Variants in C1S observed in about 807,000 individuals in gnomAD.
C1S encodes complement C1s, also known as complement C1s subcomponent.
C1S carries 31 observed loss-of-function variants against 54.0 expected under a neutral mutation model. The observed-to-expected ratio is 0.57, with a 90% CI of 0.43 to 0.78. The LOEUF is 0.78. Among genes scored for constraint, C1S ranks in the 30% least tolerant of loss-of-function variants. C1S has a pLI of 0.00. For missense variants in C1S, 727 were observed against 851.8 expected (o/e 0.85, Z 1.82); for synonymous variants, 292 against 303.6 (o/e 0.96, Z 0.40).
chr12:7,061,969 C>G, intron 2 of C1S, 52 bp downstream of exon 2: 1 of 1,597,876 alleles, frequency 6.3e-7, no homozygotes, highest in East Asian at 2.2e-5. Context: ...CCTTCATCTT[C>G]TCAAGAAAAG....
At chr12:7,069,260 A>G (rs1937767607) in intron 11 of C1S, among the ~76,000 whole-genome samples, 1 of 152,232 alleles carries the variant, frequency 6.6e-6, no homozygotes, top group African/African-American at 2.4e-5. Flanking sequence ...ACTTGAATTC[A>G]GTTATTAGTA....
chr12:7,069,868 C>T lies in C1S; in HGVS notation c.1284C>T (p.Pro428=). 2 of 1,614,050 alleles carry T rather than the reference C, an allele frequency of 1.2e-6. No individual in the cohort carries two copies. The highest frequency in any genetic ancestry group is 1.7e-5 in the Admixed American group (1 of 60,024). ...LPKCVPVCGV[P]REPFEEKQRI... is the part of the protein sequence containing the mutation. ...ATTCCTTCCTAGTCTGTGGAGTCCC[C>T]AGAGAACCCTTTGAAGAAAAACAGA... Residue 428 remains proline (P), a synonymous_variant, in exon 12 of 12, where the codon CCC becomes CCT. Transcript: ENST00000360817.
intron 11 of C1S, among the ~76,000 whole-genome samples, chr12:7,069,250 A>G (rs1937767088): frequency 1.3e-5 from 2 of 152,176 alleles, no homozygotes; most frequent in Non-Finnish European, 2.9e-5. Flanking sequence ...AAGCAGCTTC[A>G]CTTGAATTCA....
chr12:7,064,178 C>T, intron 4 of C1S, 89 bp from the exon 5 acceptor site: 1 of 1,424,464 alleles, frequency 7.0e-7, no homozygotes, highest in South Asian at 1.1e-5. Context: ...GCCTTTCCTA[C>T]TTTTTCTTAC....
rs1265716590 is a variant in C1S at position 7,063,031 on chromosome 12, C to T, written c.355C>T (p.Arg119Cys). 5.0e-6 allele frequency: 8 copies of T among 1,613,852 alleles called. No homozygotes were observed. The highest frequency in any genetic ancestry group is 2.2e-5 in the South Asian group (2 of 91,086). ...TAAGTCAGACTTTTCCAATGAAGAG[C>T]GTTTTACGGGGTTTGCTGCATACTA... ...IFKSDFSNEE[R>C]FTGFAAYYVA... The change falls in exon 4 of 12, where the codon CGT (arginine) becomes TGT (cysteine). Residue 119 changes from arginine to cysteine, a missense_variant. Physicochemically the swap from Arg to Cys is radical, Grantham distance 180. Coordinates refer to ENST00000360817, the MANE Select transcript of C1S (RefSeq NM_001734.5).
rs1937712056 is a variant in C1S at position 7,067,750 on chromosome 12, T to C, written c.1174T>C (p.Tyr392His). 6.2e-7 allele frequency: 1 copy of C among 1,613,918 alleles called. No homozygotes were observed. The highest frequency in any genetic ancestry group is 8.5e-7 in the Non-Finnish European group (1 of 1,179,794). Residue 392 changes from tyrosine (Y) to histidine (H), a missense_variant, in exon 10 of 12, where the codon TAC (tyrosine) becomes CAC (histidine). Tyr to His is a moderately conservative substitution (Grantham distance 83, BLOSUM62 2). Coordinates refer to ENST00000360817, the MANE Select transcript of C1S (RefSeq NM_001734.5). ...IRYTCEEPYY[Y>H]MENGGGGEYH... is the part of the protein sequence containing the mutation. ...CTACACTTGTGAGGAGCCATATTAC[T>C]ACATGGAAAATGGAGGAGGTGGTAG...
intron 1 of C1S, 109 bp from the exon 2 acceptor site, chr12:7,061,730 C>T: frequency 2.8e-6 from 2 of 706,330 alleles, no homozygotes; most frequent in Non-Finnish European, 5.2e-6. Context: ...GTGATATGGC[C>T]CTGTGTGTTA....
chr12:7,061,066 T>C (rs1555161227), intron 1 of C1S, 189 bp downstream of exon 1: 9 of 152,454 alleles, frequency 5.9e-5, no homozygotes, highest in African/African-American at 2.2e-4. Flanking sequence ...TACCTACCAC[T>C]GTTTTCAGGG....
Position 7,070,720 on chromosome 12 carries a change from T to C in C1S, c.*69T>C. On this transcript the variant is annotated 3_prime_UTR_variant, in exon 12 of 12. Transcript: ENST00000360817. This position sits in a 1 kb window ranked among gnomAD's most constrained non-coding sequence, Gnocchi z 4.9. ...CATTACCTTCTGTTCCTTATGATAT[T>C]CTCATTATTTCATCATGACTGAAAG... The C allele has an allele frequency of 8.3e-7, 1 of 1,207,598 alleles. No homozygotes were observed. The highest frequency in any genetic ancestry group is 1.2e-6 in the Non-Finnish European group (1 of 814,144). 74.8% of individuals were successfully genotyped at this position (1,207,598 alleles called of 1,614,324 possible). A position where few individuals can be genotyped will look rare whatever the true frequency, so the allele number is the denominator to read the frequency against.
Position 7,065,798 on chromosome 12 carries a change from A to T in C1S, c.718-19A>T, listed in dbSNP as rs941503076. On this transcript the variant is annotated intron_variant, in intron 6 of 11. Coordinates refer to ENST00000360817, the MANE Select transcript of C1S (RefSeq NM_001734.5). ...TCCCTTTAGTTCTTTCCCTCTTCTG[A>T]TTTCATCATTTTGTTCAGTTTGTTG... The T allele has an allele frequency of 1.2e-6, 2 of 1,611,160 alleles. No homozygotes were observed. Among genetic ancestry groups the T allele is most frequent in the Non-Finnish European group, 8.5e-7 (1 of 1,178,300 alleles).
At chr12:7,068,373 G>T (rs1591580648) in intron 10 of C1S, 83 bp from the exon 11 acceptor site, 3 of 955,766 alleles carry the variant, frequency 3.1e-6, no homozygotes, top group East Asian at 4.8e-5. Flanking sequence ...GAAGGAACGG[G>T]GCAGGGTGTT....
At chr12:7,063,518 A>G (rs782445216) in intron 4 of C1S, 1 of 350,272 alleles carries the variant, frequency 2.9e-6, no homozygotes, top group African/African-American at 2.1e-5. Context: ...AATTCTGGGT[A>G]CTTCTGTATC....
chr12:7,070,876 T>C lies in C1S; in HGVS notation c.*225T>C. The C allele has an allele frequency of 1.7e-6, 1 of 574,858 alleles. No individual in the cohort carries two copies. The highest frequency in any genetic ancestry group is 3.1e-6 in the Non-Finnish European group (1 of 319,752). 35.6% of individuals were successfully genotyped at this position (574,858 alleles called of 1,614,324 possible). On this transcript the variant is annotated 3_prime_UTR_variant, in exon 12 of 12. Coordinates refer to ENST00000360817, the MANE Select transcript of C1S (RefSeq NM_001734.5). This position sits in a 1 kb window ranked among gnomAD's most constrained non-coding sequence, Gnocchi z 4.9. ...CTTGGGGTCCTTTCCCCGGAGTACC[T>C]ATTGTAGATAACACTATGGGTGGGG...
intron 4 of C1S, 34 bp from the exon 5 acceptor site, chr12:7,064,233 G>A: frequency 6.2e-7 from 1 of 1,613,028 alleles, no homozygotes; most frequent in Non-Finnish European, 8.5e-7. Flanking sequence ...CTTGGTGTTT[G>A]TTCTTGACCT....
intron 1 of C1S, chr12:7,061,419 T>G: frequency 4.3e-6 from 1 of 231,860 alleles, no homozygotes. Flanking sequence ...GTGATCACGG[T>G]TAAAGAAGAG....
Position 7,070,103 on chromosome 12 carries a change from C to CAT in C1S, c.1520_1521dup (p.Val508MetfsTer29), listed in dbSNP as rs781969702. ...AAAATCCAAGATGCTCACTCCTGAG[C>CAT]ATGTGTTTATTCATCCGGGATGGAA... is the stretch of plus-strand genomic sequence containing the variant. On this transcript the variant is annotated frameshift_variant, in exon 12 of 12. Coordinates refer to ENST00000360817, the MANE Select transcript of C1S (RefSeq NM_001734.5). LOFTEE classifies it low-confidence loss of function (END_TRUNC). This position sits in a 1 kb window ranked among gnomAD's most constrained non-coding sequence, Gnocchi z 4.9. The CAT allele has an allele frequency of 6.2e-7, 1 of 1,614,140 alleles. No individual in the cohort carries two copies. Among genetic ancestry groups the CAT allele is most frequent in the Non-Finnish European group, 8.5e-7 (1 of 1,180,018 alleles).
At position 7,067,625 on chromosome 12, in the gene C1S, C is replaced by A. The variant is rs782689858; in HGVS notation, c.1067-18C>A. The A allele has an allele frequency of 1.2e-6, 2 of 1,613,458 alleles. No individual in the cohort carries two copies. Among genetic ancestry groups the A allele is most frequent in the East Asian group, 4.5e-5 (2 of 44,886 alleles). On this transcript the variant is annotated intron_variant, in intron 9 of 11. Transcript: ENST00000360817. ...AAGTGGCTGTCCTGACCATCGCTCT[C>A]CTTCCTTCGTCTGGTAGCTGTGGAC...
Position 7,061,838 on chromosome 12 carries a change from G to A in C1S, c.-74-1G>A, listed in dbSNP as rs894078994. 1.3e-6 allele frequency: 2 copies of A among 1,574,372 alleles called. No homozygotes were observed. Among genetic ancestry groups the A allele is most frequent in the African/African-American group, 2.7e-5 (2 of 74,080 alleles). Reference sequence around the variant, plus strand: ...ATACAGCCAGGCCTGCCACCCCTTAGGCTCCAAAGTCCGGAGGTGCAGAAA... The same window carrying A: ...ATACAGCCAGGCCTGCCACCCCTTAAGCTCCAAAGTCCGGAGGTGCAGAAA... On this transcript the variant is annotated splice_acceptor_variant, in intron 1 of 11. Coordinates refer to ENST00000360817, the MANE Select transcript of C1S (RefSeq NM_001734.5). LOFTEE classifies it low-confidence loss of function (5UTR_SPLICE).
At chr12:7,068,302 A>AT (rs1180788424) in intron 10 of C1S, among the ~76,000 whole-genome samples, 154 bp from the exon 11 acceptor site, 10 of 151,586 alleles carry the variant, frequency 6.6e-5, no homozygotes, top group African/African-American at 1.5e-4. Context: ...GGAGGAAGAT[A>AT]TTTTTTTTCT....
Sources: gnomAD v4.1 joint callset for allele counts (sites outside exome capture counted in the v4.1 genomes callset) on GRCh38, gnomAD v4.1.1 for gene constraint, Gnocchi (gnomAD v3.1) non-coding constraint, MANE v1.5 for transcripts, NCBI Gene and HGNC (gene_info 2026-07-23, HGNC 2026-07-21) for gene names.